ITGA9: variants seen among roughly 807,000 people sequenced by gnomAD.
The protein encoded by ITGA9 is integrin alpha-9.
In ITGA9, 56 loss-of-function variants were observed where a neutral mutation model predicts 127.8. That is an observed-to-expected ratio of 0.44 (90% CI 0.35 to 0.55). The LOEUF is 0.55. Among genes scored for constraint, ITGA9 ranks in the 20% least tolerant of loss-of-function variants. The pLI, the probability that ITGA9 is intolerant of heterozygous loss-of-function variation, is 0.00. For synonymous variants in ITGA9, 508 were observed against 514.5 expected (o/e 0.99, Z 0.17); for missense variants, 1,196 against 1,347.1 (o/e 0.89, Z 1.76).
intron 15 of ITGA9, among the ~76,000 whole-genome samples, chr3:37,594,192 T>G (rs1198626476): frequency 6.6e-6 from 1 of 152,074 alleles, no homozygotes; most frequent in Non-Finnish European, 1.5e-5. Context: ...GCTTTTCACG[T>G]GGGGGTTGTT....
chr3:37,644,160 G>A (rs1347572525), intron 16 of ITGA9, among the ~76,000 whole-genome samples: 1 of 152,196 alleles, frequency 6.6e-6, no homozygotes, highest in Non-Finnish European at 1.5e-5. Flanking sequence ...TCCCATAAAA[G>A]GCCACCTAGT....
At chr3:37,460,885 G>A (rs1052704940) in intron 1 of ITGA9, among the ~76,000 whole-genome samples, 7 of 152,008 alleles carry the variant, frequency 4.6e-5, no homozygotes, top group East Asian at 3.9e-4. Flanking sequence ...CACCGCACCC[G>A]GACTATGTGC....
At chr3:37,623,458 G>A (rs1483557742) in intron 15 of ITGA9, among the ~76,000 whole-genome samples, 1 of 152,112 alleles carries the variant, frequency 6.6e-6, no homozygotes, top group East Asian at 1.9e-4. Context: ...ATCCCACACT[G>A]CTTACAAATC....
At chr3:37,488,911 C>T (rs1005054925) in intron 4 of ITGA9, among the ~76,000 whole-genome samples, 2 of 152,192 alleles carry the variant, frequency 1.3e-5, no homozygotes, top group African/African-American at 4.8e-5. Flanking sequence ...GCCATTATCA[C>T]CACCATCCAT....
At chr3:37,660,831 G>T (rs1255931084) in intron 17 of ITGA9, among the ~76,000 whole-genome samples, 2 of 152,196 alleles carry the variant, frequency 1.3e-5, no homozygotes, top group African/African-American at 4.8e-5. Flanking sequence ...TAGGTTCTAG[G>T]CTTGGGTGAC....
At chr3:37,701,571 G>A (rs1427127436) in intron 18 of ITGA9, among the ~76,000 whole-genome samples, 4 of 152,194 alleles carry the variant, frequency 2.6e-5, no homozygotes, top group African/African-American at 9.7e-5. Context: ...TGTTGATTGA[G>A]GGCTGCTCCT....
intron 3 of ITGA9, among the ~76,000 whole-genome samples, chr3:37,474,055 C>T (rs1698465126): frequency 6.6e-6 from 1 of 152,180 alleles, no homozygotes; most frequent in Non-Finnish European, 1.5e-5. Flanking sequence ...ATCAGTAGTT[C>T]ATTCCTGTTT....
In ITGA9 at chr3:37,473,436, G is replaced by C; in HGVS notation, c.396G>C (p.Gln132His). The C allele has an allele frequency of 6.2e-7, 1 of 1,614,024 alleles. No individual in the cohort carries two copies. The highest frequency in any genetic ancestry group is 8.5e-7 in the Non-Finnish European group (1 of 1,179,920). ...DEWMGVSLAR[Q>H]PKADGRVLAC... ...GGATGGGGGTGAGCCTGGCCCGACA[G>C]CCCAAGGCTGATGGCCGTGTGTTGG... is the stretch of plus-strand genomic sequence containing the variant. The change falls in exon 3 of 28, where the codon CAG becomes CAC. Residue 132 changes from glutamine to histidine, a missense_variant. By Grantham distance (24) the Gln-to-His change is conservative (BLOSUM62 0). Transcript: ENST00000264741.
chr3:37,515,080 C>A (rs904973875), intron 9 of ITGA9, among the ~76,000 whole-genome samples: 1 of 152,152 alleles, frequency 6.6e-6, no homozygotes, highest in Non-Finnish European at 1.5e-5. Flanking sequence ...GCAAGAACAA[C>A]ATGGTTCAAT....
chr3:37,612,471 A>G (rs1700032452), intron 15 of ITGA9, among the ~76,000 whole-genome samples: 1 of 152,252 alleles, frequency 6.6e-6, no homozygotes, highest in Non-Finnish European at 1.5e-5. Flanking sequence ...TATAGTGTGT[A>G]ATATCTCAGA....
At chr3:37,740,857 TG>T (rs1460498058) in intron 20 of ITGA9, among the ~76,000 whole-genome samples, 1 of 152,196 alleles carries the variant, frequency 6.6e-6, no homozygotes, top group Admixed American at 6.5e-5. Context: ...TAGAATCACC[TG>T]GGGAGCTTTC....
At chr3:37,536,739 T>C (rs1699211770) in intron 14 of ITGA9, among the ~76,000 whole-genome samples, 1 of 152,230 alleles carries the variant, frequency 6.6e-6, no homozygotes, top group African/African-American at 2.4e-5. Context: ...AAATACAGAC[T>C]TTCTCTGTAG....
At chr3:37,557,641 AAAG>A (rs1280491861) in intron 15 of ITGA9, among the ~76,000 whole-genome samples, 4 of 152,224 alleles carry the variant, frequency 2.6e-5, no homozygotes, top group Admixed American at 6.5e-5. Context: ...ATGTAAATAA[AAAG>A]AAGAAATTAA....
chr3:37,687,570 A>C (rs1700793477), intron 18 of ITGA9, among the ~76,000 whole-genome samples: 1 of 152,258 alleles, frequency 6.6e-6, no homozygotes, highest in African/African-American at 2.4e-5. Context: ...AAATAGCTTC[A>C]TGAAATTTTT....
At chr3:37,613,735 T>C (rs1032808028) in intron 15 of ITGA9, among the ~76,000 whole-genome samples, 1 of 152,248 alleles carries the variant, frequency 6.6e-6, no homozygotes, top group East Asian at 1.9e-4. Flanking sequence ...CATTGTTTCA[T>C]GTGTCTTTTG....
intron 22 of ITGA9, among the ~76,000 whole-genome samples, chr3:37,746,670 A>G (rs1398633426): frequency 1.4e-5 from 2 of 146,154 alleles, no homozygotes; most frequent in African/African-American, 5.0e-5. Context: ...AATTCTGTGC[A>G]CTCATGTTTC....
At chr3:37,530,797 G>C (rs78662135) in intron 13 of ITGA9, among the ~76,000 whole-genome samples, 2,396 of 127,222 alleles carry the variant, frequency 0.019, 189 homozygotes, top group Admixed American at 0.15. Context: ...TGTCACCAAG[G>C]CTGGAGTGCA....
At chr3:37,696,753 T>C (rs554045512) in intron 18 of ITGA9, among the ~76,000 whole-genome samples, 57 of 152,346 alleles carry the variant, frequency 3.7e-4, no homozygotes, top group Non-Finnish European at 6.9e-4. Flanking sequence ...ACAGCACAAT[T>C]CTATTTATTC....
chr3:37,462,607 AG>A (rs1349120097), intron 1 of ITGA9, among the ~76,000 whole-genome samples: 4 of 152,284 alleles, frequency 2.6e-5, no homozygotes, highest in Admixed American at 2.6e-4. Flanking sequence ...GACTGTTCTC[AG>A]GGTTAGCCAT....
Sources: gnomAD v4.1 joint callset for allele counts (sites outside exome capture counted in the v4.1 genomes callset) on GRCh38, gnomAD v4.1.1 for gene constraint, MANE v1.5 for transcripts, NCBI Gene and HGNC (gene_info 2026-07-23, HGNC 2026-07-21) for gene names.